The following ZNF831 variants were observed in gnomAD, a reference collection of about 807,000 sequenced individuals.
ZNF831 encodes the protein chromosome 20 open reading frame 174.
ZNF831 carries 59 observed loss-of-function variants against 95.8 expected under a neutral mutation model. That is an observed-to-expected ratio of 0.62 (90% CI 0.50 to 0.77). ZNF831 has a LOEUF of 0.77. ZNF831 is among the 30% of genes least tolerant of loss of function. ZNF831 has a pLI of 0.00. For missense variants in ZNF831, 2,205 were observed against 2,164.0 expected (o/e 1.02, Z -0.38); for synonymous variants, 961 against 925.5 (o/e 1.04, Z -0.70).
chr20:59,136,288 G>T (rs1200551105), intron 1 of ZNF831, among the ~76,000 whole-genome samples: 2 of 152,078 alleles, frequency 1.3e-5, no homozygotes, highest in Non-Finnish European at 2.9e-5. Context: ...GCTTTTAAGG[G>T]TTCATGTGAT....
intron 4 of ZNF831, among the ~76,000 whole-genome samples, chr20:59,240,863 T>C (rs954186911): frequency 6.6e-6 from 1 of 152,120 alleles, no homozygotes; most frequent in Non-Finnish European, 1.5e-5. Flanking sequence ...TTCCTTTTTA[T>C]TCCCTCTCTT....
Position 59,254,909 on chromosome 20 carries a change from A to C in ZNF831, c.*166A>C. 4 of 889,306 alleles carry C rather than the reference A, an allele frequency of 4.5e-6. No individual in the cohort carries two copies. Among genetic ancestry groups the C allele is most frequent in the East Asian group, 2.8e-5 (1 of 36,048 alleles). 55.1% of individuals were successfully genotyped at this position (889,306 alleles called of 1,614,324 possible). A position where few individuals can be genotyped will look rare whatever the true frequency, so the allele number is the denominator to read the frequency against. On this transcript the variant is annotated 3_prime_UTR_variant, in exon 6 of 6. Coordinates refer to ENST00000371030, the MANE Select transcript of ZNF831 (RefSeq NM_178457.3). The surrounding 1 kb of genome is among the most constrained non-coding windows in gnomAD (Gnocchi z 4.5). ...AACTCCAACCAACTTCTGACCCCCA[A>C]CTCAGCCGCAGCGTTCCCCAGCTCC...
intron 1 of ZNF831, among the ~76,000 whole-genome samples, chr20:59,182,510 CAG>C (rs1036738004): frequency 2.6e-5 from 4 of 152,068 alleles, no homozygotes; most frequent in Non-Finnish European, 5.9e-5. Context: ...ACCAAGAAGA[CAG>C]GGGACGGGGA....
intron 4 of ZNF831, among the ~76,000 whole-genome samples, chr20:59,247,022 T>C (rs1382616265): frequency 2.6e-5 from 4 of 152,240 alleles, no homozygotes; most frequent in Non-Finnish European, 5.9e-5. Context: ...GCCATTTTTT[T>C]CGTAAAGAGG....
At chr20:59,141,232 AT>A (rs572243916) in intron 1 of ZNF831, among the ~76,000 whole-genome samples, 18 of 151,904 alleles carry the variant, frequency 1.2e-4, no homozygotes, top group Non-Finnish European at 2.2e-4. Flanking sequence ...TAATTTATTG[AT>A]TTTTTTTCTT....
At chr20:59,128,609 G>T (rs1344552858) in intron 1 of ZNF831, among the ~76,000 whole-genome samples, 1 of 152,244 alleles carries the variant, frequency 6.6e-6, no homozygotes, top group Non-Finnish European at 1.5e-5. Flanking sequence ...CAGCTAGGGG[G>T]ATGCACCTGG....
At chr20:59,163,357 C>T (rs1981000398), upstream of ZNF831, among the ~76,000 whole-genome samples, 1 of 152,086 alleles carries the variant, frequency 6.6e-6, no homozygotes, top group Admixed American at 6.6e-5. Flanking sequence ...AGTGCCATAT[C>T]TTAAAAATAA....
intron 1 of ZNF831, among the ~76,000 whole-genome samples, chr20:59,179,517 G>C (rs1982441325): frequency 6.6e-6 from 1 of 152,034 alleles, no homozygotes; most frequent in Non-Finnish European, 1.5e-5. Flanking sequence ...ATTTTTAGAG[G>C]GAGGGGCCAC....
rs200592986 is a variant in ZNF831 at position 59,254,111 on chromosome 20, G to C, written c.4402G>C (p.Asp1468His). The change falls in exon 6 of 6, where the codon GAT (aspartate) becomes CAT (histidine). Residue 1468 changes from aspartate (D) to histidine (H), a missense_variant. By Grantham distance (81) the Asp-to-His change is moderately conservative. Transcript: ENST00000371030. This position sits in a 1 kb window ranked among gnomAD's most constrained non-coding sequence, Gnocchi z 4.5. ...STDPKPYIFS[D>H]AQRPSSFGSK... Reference sequence around the variant, plus strand: ...AGATCCCAAACCATACATCTTCTCAGATGCTCAAAGGCCTTCTTCCTTTGG... The same window carrying C: ...AGATCCCAAACCATACATCTTCTCACATGCTCAAAGGCCTTCTTCCTTTGG... 3.5e-5 allele frequency: 57 copies of C among 1,614,110 alleles called. No homozygotes were observed. The highest frequency in any genetic ancestry group is 4.7e-5 in the Non-Finnish European group (55 of 1,180,020).
rs2865733 is a variant in ZNF831, at chr20:59,257,929, G to T, written c.*3186G>T. The T allele has an allele frequency of 0.28, 41,994 of 151,994 alleles. 6,826 individuals carry two copies. Among genetic ancestry groups the T allele is most frequent in the East Asian group, 0.7 (3,594 of 5,150 alleles). The allele number at this position is 151,994 out of a possible 1,614,324, so 9.4% of individuals were successfully genotyped here. ...CTGTACCTACACCCAGCTAGATCTT[G>T]TCGTTAAAGATGTATGGAGGGAAGA... On this transcript the variant is annotated 3_prime_UTR_variant, in exon 6 of 6. Transcript: ENST00000371030.
chr20:59,147,472 T>C (rs1237246295), intron 2 of ZNF831, among the ~76,000 whole-genome samples: 1 of 152,260 alleles, frequency 6.6e-6, no homozygotes, highest in East Asian at 1.9e-4. Flanking sequence ...CTCCTCACTC[T>C]GGCCCTTGGA....
chr20:59,152,397 G>A (rs576976905), intron 2 of ZNF831, among the ~76,000 whole-genome samples: 3 of 152,198 alleles, frequency 2.0e-5, no homozygotes, highest in Admixed American at 1.3e-4. Flanking sequence ...TGGATTTTGG[G>A]TTTGTGGATC....
At chr20:59,126,221 C>T (rs889792369) in intron 1 of ZNF831, among the ~76,000 whole-genome samples, 1 of 152,172 alleles carries the variant, frequency 6.6e-6, no homozygotes, top group Non-Finnish European at 1.5e-5. Flanking sequence ...GAACAGCCCC[C>T]TCTCTCTCCC....
intron 1 of ZNF831, among the ~76,000 whole-genome samples, chr20:59,137,435 G>A (rs932456915): frequency 3.3e-5 from 5 of 151,990 alleles, no homozygotes; most frequent in African/African-American, 1.2e-4. Context: ...ACATCTCTGG[G>A]TCCTCAGAGG....
intron 1 of ZNF831, among the ~76,000 whole-genome samples, chr20:59,185,680 G>A (rs1045219912): frequency 1.3e-5 from 2 of 152,194 alleles, no homozygotes; most frequent in African/African-American, 4.8e-5. Context: ...ACTCCGGGCT[G>A]TTGATGCTCT....
chr20:59,176,399 T>C (rs1413723705), intron 1 of ZNF831, among the ~76,000 whole-genome samples: 1 of 152,222 alleles, frequency 6.6e-6, no homozygotes, highest in Non-Finnish European at 1.5e-5. Flanking sequence ...TACACGACTG[T>C]ATTTACTTGT....
At chr20:59,142,199 A>T (rs1979704783) in intron 1 of ZNF831, among the ~76,000 whole-genome samples, 2 of 152,124 alleles carry the variant, frequency 1.3e-5, no homozygotes, top group Non-Finnish European at 2.9e-5. Flanking sequence ...TGGCAGGGGG[A>T]ATAGGGTGGA....
At chr20:59,165,985 C>T (rs1221185980) in intron 1 of ZNF831, among the ~76,000 whole-genome samples, 1 of 152,172 alleles carries the variant, frequency 6.6e-6, no homozygotes. Context: ...CGCTTGACCT[C>T]AGGTGATCTA....
intron 1 of ZNF831, among the ~76,000 whole-genome samples, chr20:59,136,194 C>T (rs1979503995): frequency 6.6e-6 from 1 of 152,180 alleles, no homozygotes; most frequent in Non-Finnish European, 1.5e-5. Flanking sequence ...TCAAGTCCTT[C>T]TCATGCTTCG....
Sources: gnomAD v4.1 joint callset for allele counts (sites outside exome capture counted in the v4.1 genomes callset) on GRCh38, gnomAD v4.1.1 for gene constraint, Gnocchi (gnomAD v3.1) non-coding constraint, MANE v1.5 for transcripts, NCBI Gene and HGNC (gene_info 2026-07-23, HGNC 2026-07-21) for gene names.